The following CCNY variants were observed in gnomAD, a reference collection of about 807,000 sequenced individuals.
CCNY encodes cyclin Y, also known as cyclin-Y.
In CCNY, 19 loss-of-function variants were observed where a neutral mutation model predicts 42.8. The observed-to-expected ratio is 0.44, with a 90% CI of 0.31 to 0.65. The LOEUF (loss-of-function observed/expected upper bound fraction) is 0.65. Ranked by LOEUF, CCNY falls within the 30% of genes least tolerant of loss-of-function variation. CCNY has a pLI of 0.07. For missense variants in CCNY, 370 were observed against 437.3 expected (o/e 0.85, Z 1.37); for synonymous variants, 165 against 162.7 (o/e 1.01, Z -0.11).
intron 3 of CCNY, among the ~76,000 whole-genome samples, chr10:35,328,945 C>A (rs1835909412): frequency 6.6e-6 from 1 of 152,078 alleles, no homozygotes; most frequent in Non-Finnish European, 1.5e-5. Flanking sequence ...TGGAGAAATG[C>A]AAGTAAAACA....
intron 4 of CCNY, among the ~76,000 whole-genome samples, chr10:35,520,235 G>A (rs1401238380): frequency 6.6e-6 from 1 of 152,136 alleles, no homozygotes; most frequent in Non-Finnish European, 1.5e-5. Context: ...TTCAGCTAGA[G>A]GGTTGACAAT....
At chr10:35,255,357 G>T (rs1217998075) in intron 3 of CCNY, among the ~76,000 whole-genome samples, 1 of 146,818 alleles carries the variant, frequency 6.8e-6, no homozygotes, top group Non-Finnish European at 1.5e-5. Flanking sequence ...GTCCCGCTCT[G>T]TCACCCAGTC....
chr10:35,497,821 T>C (rs1158875142), intron 2 of CCNY, among the ~76,000 whole-genome samples: 1 of 151,876 alleles, frequency 6.6e-6, no homozygotes, highest in Non-Finnish European at 1.5e-5. Context: ...AAAGGAGTAA[T>C]TAATTTTAAG....
intron 3 of CCNY, among the ~76,000 whole-genome samples, chr10:35,265,404 T>C (rs535467536): frequency 1.3e-5 from 2 of 152,358 alleles, no homozygotes; most frequent in Admixed American, 6.5e-5. Context: ...TGTGTATGTT[T>C]ATGGGTGGAG....
rs35268084 is a variant in CCNY, at chr10:35,516,661, C to CTTTTTTTTTTTTTTTTTTT, written c.365+47_365+65dup. Reference sequence around the variant, plus strand: ...ATTTATTTCCTTCCTTCCTTCCTTCCTTTTTTTTTTTTTTTTTTTTTTTTT... The same window carrying CTTTTTTTTTTTTTTTTTTT: ...ATTTATTTCCTTCCTTCCTTCCTTCCTTTTTTTTTTTTTTTTTTTTTTTTTTTTTTTTTTTTTTTTTTTT... On this transcript the variant is annotated intron_variant, in intron 4 of 9. Transcript: ENST00000374704. 1.5e-5 allele frequency: 5 copies of CTTTTTTTTTTTTTTTTTTT among 327,620 alleles called. No individual in the cohort carries two copies. The African/African-American group carries it at 2.0e-4, about 13-fold the overall frequency. The allele number at this position is 327,620 out of a possible 1,614,324, so 20.3% of individuals were successfully genotyped here. A position where few individuals can be genotyped will look rare whatever the true frequency, so the allele number is the denominator to read the frequency against.
chr10:35,480,718 G>A (rs1203528821), intron 1 of CCNY, among the ~76,000 whole-genome samples: 1 of 152,184 alleles, frequency 6.6e-6, no homozygotes, highest in Non-Finnish European at 1.5e-5. Context: ...TAATCCCCCA[G>A]CACTTTGGGA....
At chr10:35,482,752 GTGTGTGT>G (rs1564428890) in intron 1 of CCNY, among the ~76,000 whole-genome samples, 76 of 43,662 alleles carry the variant, frequency 1.7e-3, no homozygotes, top group African/African-American at 0.013. Flanking sequence ...GGAAATAGGT[GTGTGTGT>G]GTGTGTGTGT....
At chr10:35,532,731 C>T (rs1168932122) in intron 7 of CCNY, among the ~76,000 whole-genome samples, 1 of 152,212 alleles carries the variant, frequency 6.6e-6, no homozygotes, top group Non-Finnish European at 1.5e-5. Flanking sequence ...AAGGCCTTGG[C>T]ATCCAGCTGC....
intron 1 of CCNY, among the ~76,000 whole-genome samples, chr10:35,389,847 A>G (rs998380021): frequency 1.3e-5 from 2 of 152,246 alleles, no homozygotes; most frequent in South Asian, 2.1e-4. Context: ...AAACTTGGGT[A>G]TGCAATAAGA....
rs367858552 is a variant in CCNY, at chr10:35,337,023, G to A, written c.-31G>A. The A allele has an allele frequency of 7.9e-6, 12 of 1,519,134 alleles. No individual in the cohort carries two copies. The African/African-American group carries it at 1.7e-4, about 22-fold the overall frequency. 94.1% of individuals were successfully genotyped at this position (1,519,134 alleles called of 1,614,324 possible). A position where few individuals can be genotyped will look rare whatever the true frequency, so the allele number is the denominator to read the frequency against. Reference sequence around the variant, plus strand: ...CCGCTCCCGGGGACTGGGAGAACAGGATAGCAGCAGGAGTCGGGGGGCCGC... The same window carrying A: ...CCGCTCCCGGGGACTGGGAGAACAGAATAGCAGCAGGAGTCGGGGGGCCGC... On this transcript the variant is annotated 5_prime_UTR_variant, in exon 1 of 10. Transcript: ENST00000374704.
At chr10:35,333,879 A>AT (rs1238974224), upstream of CCNY, among the ~76,000 whole-genome samples, 1 of 151,850 alleles carries the variant, frequency 6.6e-6, no homozygotes, top group Non-Finnish European at 1.5e-5. Context: ...TGTAGGGTGG[A>AT]TGAGTTGTGG....
intron 2 of CCNY, among the ~76,000 whole-genome samples, chr10:35,488,330 C>T (rs1002118368): frequency 1.4e-4 from 21 of 152,192 alleles, no homozygotes; most frequent in Non-Finnish European, 2.5e-4. Flanking sequence ...TGAACTTTTG[C>T]GTGGTGAAAC....
chr10:35,545,137 C>G (rs878903699), intron 7 of CCNY, among the ~76,000 whole-genome samples: 3 of 152,190 alleles, frequency 2.0e-5, no homozygotes, highest in African/African-American at 7.2e-5. Context: ...TATTTTTGAA[C>G]GTTCCCTGTT....
chr10:35,542,776 G>A (rs1234623461), intron 7 of CCNY, among the ~76,000 whole-genome samples: 3 of 152,206 alleles, frequency 2.0e-5, no homozygotes, highest in African/African-American at 4.8e-5. Context: ...TCCTTTATGG[G>A]TCACTTTTAA....
At chr10:35,560,055 T>C (rs571467245) in intron 8 of CCNY, among the ~76,000 whole-genome samples, 2 of 152,344 alleles carry the variant, frequency 1.3e-5, no homozygotes, top group African/African-American at 4.8e-5. Flanking sequence ...GCCACCATTG[T>C]ATTTTAGAAG....
chr10:35,379,853 T>C (rs1171504188), intron 1 of CCNY, among the ~76,000 whole-genome samples: 1 of 152,192 alleles, frequency 6.6e-6, no homozygotes, highest in Non-Finnish European at 1.5e-5. Context: ...GGCCAACAGA[T>C]GATGGAGCCG....
At position 35,500,204 on chromosome 10, in the gene CCNY, C is replaced by T. The variant is rs116617131; in HGVS notation, c.230-1297C>T. ...CTGATCGCCTGCACATGCGTCCATC[C>T]GATGGCTTGATGGAGCTGCCTTCTA... is the stretch of plus-strand genomic sequence containing the variant. On this transcript the variant is annotated intron_variant, in intron 2 of 9. Transcript: ENST00000374704. Among the ~76,000 whole-genome samples the T allele has an allele frequency of 3.4e-3, 521 of 152,344 alleles. 4 individuals are homozygous for T. Among genetic ancestry groups the T allele is most frequent in the African/African-American group, 0.012 (485 of 41,576 alleles).
rs61405875 is a variant in CCNY, at chr10:35,253,414, ATTTTTTTTTTTTT to A, written c.-9+2805_-9+2817del. 5.1e-3 allele frequency among the ~76,000 whole-genome samples: 453 copies of A among 89,028 alleles called. 5 individuals carry two copies. The highest frequency in any genetic ancestry group is 0.021 in the African/African-American group (438 of 21,180). The allele number at this position is 89,028 out of a possible 152,430, so 58.4% of individuals were successfully genotyped here. A position where few individuals can be genotyped will look rare whatever the true frequency, so the allele number is the denominator to read the frequency against. On this transcript the variant is annotated intron_variant, in intron 3 of 11. Transcript: ENST00000374706. Reference sequence around the variant, plus strand: ...ACAGGCATGCACCAGCATGCTCACTATTTTTTTTTTTTTTTTTTTTTTTTTTTTTGTAGAGATG... The same window carrying A: ...ACAGGCATGCACCAGCATGCTCACTATTTTTTTTTTTTTTTTGTAGAGATG...
At chr10:35,370,807 C>A (rs925985528) in intron 1 of CCNY, among the ~76,000 whole-genome samples, 11 of 151,662 alleles carry the variant, frequency 7.3e-5, no homozygotes, top group Non-Finnish European at 1.2e-4. Flanking sequence ...GCTCCGCCTC[C>A]TGGGTTCATG....
Sources: gnomAD v4.1 joint callset for allele counts (sites outside exome capture counted in the v4.1 genomes callset) on GRCh38, gnomAD v4.1.1 for gene constraint, MANE v1.5 for transcripts, NCBI Gene and HGNC (gene_info 2026-07-23, HGNC 2026-07-21) for gene names.